Variants in MYH6 observed in about 807,000 individuals in gnomAD.
MYH6 encodes myosin-6.
MYH6 carries 126 observed loss-of-function variants against 223.2 expected under a neutral mutation model. That is an observed-to-expected ratio of 0.56 (90% CI 0.49 to 0.65). The LOEUF (loss-of-function observed/expected upper bound fraction) is 0.65, where lower values mean the gene tolerates loss of function less well. MYH6 is among the 30% of genes least tolerant of loss of function. The pLI, the probability that MYH6 is intolerant of heterozygous loss-of-function variation, is 0.00. For synonymous variants in MYH6, 978 were observed against 1,010.2 expected, an observed-to-expected ratio of 0.97 and a Z score of 0.61; for missense variants, 2,040 against 2,536.4, an observed-to-expected ratio of 0.80 and a Z score of 4.20.
Position 23,394,593 on chromosome 14 carries a change from G to A in MYH6, c.2430-270C>T, listed in dbSNP as rs445754. On this transcript the variant is annotated intron_variant, in intron 20 of 38. Transcript: ENST00000405093. ...CTGTTTGGTTTTTCTATTCTCATAA[G>A]AACTTCAAATATGTTAAAAATTATG... Among the ~76,000 whole-genome samples, 3 of 151,968 alleles carry A rather than the reference G, an allele frequency of 2.0e-5. No homozygotes were observed. The South Asian group carries it at 6.2e-4, about 31-fold the overall frequency.
rs199881235 is a variant in MYH6, at chr14:23,387,564, T to G, written c.4615A>C (p.Lys1539Gln). ...TCCAGGGCTGACTGCAGCTCCAGCT[T>G]CTCCACCTCCAGCTGTTTGCGGACC... ...EKVRKQLEVE[K>Q]LELQSALEEA... is the part of the protein sequence containing the mutation. Residue 1539 changes from lysine (K) to glutamine (Q), a missense_variant, in exon 32 of 39, where the codon AAG (lysine) becomes CAG (glutamine). Lys to Gln is a moderately conservative substitution (Grantham distance 53, BLOSUM62 1). This residue lies in a region of MYH6 where 1,203 missense variants were observed against 1,400.2 expected (regional missense o/e 0.86). Coordinates refer to ENST00000405093, the MANE Select transcript of MYH6 (RefSeq NM_002471.4). The G allele has an allele frequency of 6.2e-7, 1 of 1,613,980 alleles. No individual in the cohort carries two copies. Among genetic ancestry groups the G allele is most frequent in the Admixed American group, 1.7e-5 (1 of 60,004 alleles).
Position 23,393,533 on chromosome 14 carries a change from C to G in MYH6, c.2929-15G>C. On this transcript the variant is annotated splice_polypyrimidine_tract_variant and intron_variant, in intron 22 of 38. Coordinates refer to ENST00000405093, the MANE Select transcript of MYH6 (RefSeq NM_002471.4). ...AGGTTCTTCACCTGCCGACCAAAAACCCATCCCCTTTAGGGTCAAAGATCA... is the reference window on the plus strand; with the variant it reads ...AGGTTCTTCACCTGCCGACCAAAAAGCCATCCCCTTTAGGGTCAAAGATCA... The G allele has an allele frequency of 1.2e-6, 2 of 1,614,050 alleles. No individual in the cohort carries two copies. The highest frequency in any genetic ancestry group is 2.2e-5 in the South Asian group (2 of 91,082).
chr14:23,407,219 G>T lies in MYH6; in HGVS notation c.5C>A (p.Thr2Asn). The T allele has an allele frequency of 6.2e-7, 1 of 1,614,232 alleles. No homozygotes were observed. The highest frequency in any genetic ancestry group is 8.5e-7 in the Non-Finnish European group (1 of 1,180,048). M[T>N]DAQMADFGAA... is the part of the protein sequence containing the mutation. ...CCCAAAGTCAGCCATCTGGGCATCGGTCATCTTGGTGCTTCCCCTGGGTCA... is the reference window on the plus strand; with the variant it reads ...CCCAAAGTCAGCCATCTGGGCATCGTTCATCTTGGTGCTTCCCCTGGGTCA... Residue 2 changes from threonine (T) to asparagine (N), a missense_variant, in exon 3 of 39, where the codon ACC becomes AAC. This residue lies in a region of MYH6 where 184 missense variants were observed against 232.4 expected (regional missense o/e 0.79). Coordinates refer to ENST00000405093, the MANE Select transcript of MYH6 (RefSeq NM_002471.4). The surrounding 1 kb of genome is among the most constrained non-coding windows in gnomAD (Gnocchi z 5.6).
At chr14:23,401,069 C>A in intron 12 of MYH6, 92 bp from the exon 13 acceptor site, 1 of 1,544,384 alleles carries the variant, frequency 6.5e-7, no homozygotes, top group Non-Finnish European at 8.7e-7. Context: ...TGCAGTGGCA[C>A]GATCTTGGCT....
intron 35 of MYH6, 56 bp downstream of exon 35, chr14:23,384,860 G>A (rs1253181273): frequency 6.2e-7 from 1 of 1,613,234 alleles, no homozygotes; most frequent in Non-Finnish European, 8.5e-7. Context: ...GGCCTGGCCT[G>A]GACCCAAGGC....
rs771567157 is a variant in MYH6 at position 23,387,861 on chromosome 14, C to T, written c.4422G>A (p.Lys1474=). ...GCTCTGTGCTGAGGGAGCGAGCCTC[C>T]TTCTGTGAGGACTCCAGCTCAGACT... ...ESQSELESSQ[K]EARSLSTELF... Residue 1474 remains lysine, a synonymous_variant, in exon 31 of 39, where the codon AAG becomes AAA. Transcript: ENST00000405093. 1.9e-6 allele frequency: 3 copies of T among 1,614,134 alleles called. No homozygotes were observed. Among genetic ancestry groups the T allele is most frequent in the Admixed American group, 3.3e-5 (2 of 60,024 alleles).
intron 16 of MYH6, 32 bp from the exon 17 acceptor site, chr14:23,397,289 C>T (rs77612032): frequency 6.3e-7 from 1 of 1,592,004 alleles, no homozygotes; most frequent in Non-Finnish European, 8.6e-7. Flanking sequence ...GAGTTAGGAG[C>T]CACAAGGACC....
chr14:23,398,825 G>T lies in MYH6; in HGVS notation c.1794C>A (p.Asn598Lys), dbSNP rs1891509782. The T allele has an allele frequency of 6.2e-7, 1 of 1,614,196 alleles. No homozygotes were observed. The highest frequency in any genetic ancestry group is 8.5e-7 in the Non-Finnish European group (1 of 1,180,036). Residue 598 changes from asparagine (N) to lysine (K), a missense_variant, in exon 15 of 39, where the codon AAC becomes AAA. Asn to Lys is a moderately conservative substitution (Grantham distance 94). Coordinates refer to ENST00000405093, the MANE Select transcript of MYH6 (RefSeq NM_002471.4). The stretch of plus-strand genomic sequence containing the variant: ...CAACAGTCTCGTTGAGAGGATCCTT[G>T]TTTTTTTCCAGCCAGCCCAGGATGT... Reference protein sequence around the residue: ...DYNILGWLEKNKDPLNETVVA... With the variant: ...DYNILGWLEKKKDPLNETVVA...
chr14:23,393,096 T>C (rs1891286530), intron 23 of MYH6, 39 bp from the exon 24 acceptor site: 10 of 1,613,624 alleles, frequency 6.2e-6, no homozygotes, highest in Non-Finnish European at 6.8e-6. Flanking sequence ...GTGGAAAACA[T>C]GAAATCCATA....
At position 23,393,877 on chromosome 14, in the gene MYH6, C is replaced by T. The variant is rs527636904; in HGVS notation, c.2717G>A (p.Arg906His). 77 of 1,614,172 alleles carry T rather than the reference C, an allele frequency of 4.8e-5. No homozygotes were observed. The highest frequency in any genetic ancestry group is 1.6e-4 in the Middle Eastern group (1 of 6,062). ...EQDNLNDAEE[R>H]CDQLIKNKIQ... ...CTTGTTTTTGATCAGCTGGTCGCAG[C>T]GCTCCTCAGCATCATTGAGGTTGTC... Residue 906 changes from arginine (R) to histidine (H), a missense_variant, in exon 22 of 39, where the codon CGC becomes CAC. By Grantham distance (29) the Arg-to-His change is conservative (BLOSUM62 0). Transcript: ENST00000405093.
Position 23,384,478 on chromosome 14 carries a change from C to T in MYH6, c.5529G>A (p.Arg1843=), listed in dbSNP as rs1364057150. 1.9e-6 allele frequency: 3 copies of T among 1,612,628 alleles called. No homozygotes were observed. The Admixed American group carries it at 5.0e-5, about 27-fold the overall frequency. ...KRNAESVKGM[R]KSERRIKELT... The stretch of plus-strand genomic sequence containing the variant: ...GCTCCTTGATGCGCCGCTCGCTCTT[C>T]CTCATGCCCTTCACCGACTCTGCGT... The change falls in exon 36 of 39, where the codon AGG becomes AGA. Residue 1843 remains arginine, a synonymous_variant. Coordinates refer to ENST00000405093, the MANE Select transcript of MYH6 (RefSeq NM_002471.4).
rs894332365 is a variant in MYH6, at chr14:23,407,649, G to A, written c.-46-41C>T. 2.2e-5 allele frequency: 24 copies of A among 1,108,242 alleles called. No individual in the cohort carries two copies. Among genetic ancestry groups the A allele is most frequent in the South Asian group, 1.7e-4 (7 of 40,466 alleles). 68.7% of individuals were successfully genotyped at this position (1,108,242 alleles called of 1,614,324 possible). A position where few individuals can be genotyped will look rare whatever the true frequency, so the allele number is the denominator to read the frequency against. On this transcript the variant is annotated intron_variant, in intron 1 of 38. Transcript: ENST00000405093. This position sits in a 1 kb window ranked among gnomAD's most constrained non-coding sequence, Gnocchi z 5.6. ...AGCAAGGAACAACAGAGGTAGAGCC[G>A]GGCAGAGAGAAGAACAGATGAGGAG...
In MYH6 at chr14:23,393,085, T is replaced by C. The variant is rs1389750048; in HGVS notation, c.3106-28A>G. 1.9e-6 allele frequency: 3 copies of C among 1,613,858 alleles called. No homozygotes were observed. The African/African-American group carries it at 4.0e-5, about 22-fold the overall frequency. ...GTTGGAGGGAAGAAAATAAGCAAAGTGTGGAAAACATGAAATCCATAGTGT... is the reference window on the plus strand; with the variant it reads ...GTTGGAGGGAAGAAAATAAGCAAAGCGTGGAAAACATGAAATCCATAGTGT... On this transcript the variant is annotated intron_variant, in intron 23 of 38. Coordinates refer to ENST00000405093, the MANE Select transcript of MYH6 (RefSeq NM_002471.4).
chr14:23,402,021 G>C (rs2138614265), intron 12 of MYH6, among the ~76,000 whole-genome samples: 2 of 152,326 alleles, frequency 1.3e-5, no homozygotes, highest in Admixed American at 1.3e-4. Flanking sequence ...GCCACCAGAG[G>C]AGTGAGGAAA....
At position 23,392,854 on chromosome 14, in the gene MYH6, C is replaced by T. The variant is rs572669041; in HGVS notation, c.3251+58G>A. On this transcript the variant is annotated intron_variant, in intron 24 of 38. Transcript: ENST00000405093. ...GCCAGTGGAGGCGCAGCACCCTGCA[C>T]TCTATCTACCAGGCCAGACACCTCC... 6.7e-5 allele frequency: 107 copies of T among 1,607,748 alleles called. 1 individual carries two copies. The South Asian group carries it at 1.1e-3, about 17-fold the overall frequency.
In MYH6 at chr14:23,393,496, A is replaced by G. The variant is rs202028680; in HGVS notation, c.2951T>C (p.Met984Thr). The G allele has an allele frequency of 6.8e-6, 11 of 1,613,958 alleles. No homozygotes were observed. In the African/African-American group the frequency reaches 1.5e-4, roughly 22 times the overall value. ...ENKVKNLTEE[M>T]AGLDEIIAKL... ...AGCGATGATTTCATCCAGCCCAGCC[A>G]TCTCCTCTGTTAGGTTCTTCACCTG... Residue 984 changes from methionine (M) to threonine (T), a missense_variant, in exon 23 of 39, where the codon ATG becomes ACG. This residue lies in a region of MYH6 where 1,203 missense variants were observed against 1,400.2 expected (regional missense o/e 0.86). Transcript: ENST00000405093.
chr14:23,405,509 G>A lies in MYH6; in HGVS notation c.345+118C>T, dbSNP rs1216242182. 3.1e-6 allele frequency: 5 copies of A among 1,594,958 alleles called. No individual in the cohort carries two copies. The highest frequency in any genetic ancestry group is 3.4e-6 in the Non-Finnish European group (4 of 1,167,078). On this transcript the variant is annotated intron_variant, in intron 4 of 38. Transcript: ENST00000405093. The surrounding 1 kb of genome is among the most constrained non-coding windows in gnomAD (Gnocchi z 4.7). ...TCCTGCAGCTGACTAGGGGTGGAGG[G>A]GGGAAGGGGACTTGGGTCCCTTGGG...
At chr14:23,401,855 T>C (rs1231569949) in intron 12 of MYH6, among the ~76,000 whole-genome samples, 2 of 152,242 alleles carry the variant, frequency 1.3e-5, no homozygotes, top group Non-Finnish European at 2.9e-5. Context: ...ATTTCAAGAA[T>C]GTTGTAATAA....
chr14:23,403,209 G>T (rs1020597323), intron 10 of MYH6, 139 bp downstream of exon 10: 1 of 790,278 alleles, frequency 1.3e-6, no homozygotes, highest in African/African-American at 1.7e-5. Context: ...GAGGGAGCTG[G>T]CGGAGTGAGT....
Sources: gnomAD v4.1 joint callset for allele counts (sites outside exome capture counted in the v4.1 genomes callset) on GRCh38, gnomAD v4.1.1 for gene constraint, gnomAD v4.1.1 regional missense constraint, Gnocchi (gnomAD v3.1) non-coding constraint, MANE v1.5 for transcripts, NCBI Gene and HGNC (gene_info 2026-07-23, HGNC 2026-07-21) for gene names.